The following SLC24A3 variants were observed in gnomAD, a reference collection of about 807,000 sequenced individuals.
The protein encoded by SLC24A3 is sodium/potassium/calcium exchanger 3.
A neutral mutation model predicts 75.8 loss-of-function variants in SLC24A3; 28 were observed. That is an observed-to-expected ratio of 0.37 (90% CI 0.27 to 0.51). SLC24A3 has a LOEUF of 0.51. Among genes scored for constraint, SLC24A3 ranks in the 20% least tolerant of loss-of-function variants. The probability of loss-of-function intolerance (pLI) is 0.94; values close to 1 mark genes in which losing one functional copy is unlikely to be tolerated. For synonymous variants in SLC24A3, 372 were observed against 334.1 expected, an observed-to-expected ratio of 1.11 and a Z score of -1.24; for missense variants, 663 against 847.8, an observed-to-expected ratio of 0.78 and a Z score of 2.71.
intron 2 of SLC24A3, among the ~76,000 whole-genome samples, chr20:19,325,325 A>C (rs1984813450): frequency 6.6e-6 from 1 of 151,972 alleles, no homozygotes; most frequent in African/African-American, 2.4e-5. Context: ...GCATCCCTGT[A>C]GTCCCAGCTA....
intron 9 of SLC24A3, among the ~76,000 whole-genome samples, chr20:19,681,143 A>G (rs2032610674): frequency 1.3e-5 from 2 of 152,230 alleles, no homozygotes; most frequent in African/African-American, 4.8e-5. Context: ...CGGAACTTGT[A>G]CAAGCTTCTT....
intron 15 of SLC24A3, among the ~76,000 whole-genome samples, chr20:19,716,999 C>A (rs1436662687): frequency 6.6e-6 from 1 of 152,206 alleles, no homozygotes; most frequent in East Asian, 1.9e-4. Flanking sequence ...TTAACTTTTT[C>A]TTCTGTTTTG....
chr20:19,261,758 G>A (rs553819190), intron 1 of SLC24A3: 3 of 152,362 alleles, frequency 2.0e-5, no homozygotes, highest in Admixed American at 6.5e-5. Flanking sequence ...GTAAGGCCAC[G>A]TAGGTCCGAA....
At chr20:19,269,234 C>CACTGCACAGGGTCCTTTTGG in intron 1 of SLC24A3, among the ~76,000 whole-genome samples, 1 of 152,364 alleles carries the variant, frequency 6.6e-6, no homozygotes, top group Admixed American at 6.5e-5. Flanking sequence ...ACATTCCCAT[C>CACTGCACAGGGTCCTTTTGG]ACTGCACAGG....
At chr20:19,339,958 A>C (rs186640972) in intron 2 of SLC24A3, among the ~76,000 whole-genome samples, 2 of 152,140 alleles carry the variant, frequency 1.3e-5, no homozygotes, top group African/African-American at 2.4e-5. Context: ...TAACATTCTA[A>C]CCAGGACCCT....
chr20:19,334,431 TA>T (rs11481938), intron 2 of SLC24A3, among the ~76,000 whole-genome samples: 145 of 151,252 alleles, frequency 9.6e-4, no homozygotes, highest in African/African-American at 3.3e-3. Flanking sequence ...ATCAACACAG[TA>T]AAAAAAAAGA....
chr20:19,680,405 C>T (rs554883048), intron 9 of SLC24A3, among the ~76,000 whole-genome samples: 43 of 151,750 alleles, frequency 2.8e-4, no homozygotes, highest in African/African-American at 9.7e-4. Flanking sequence ...CCAGGAGGCA[C>T]GGTGAGGTCT....
In SLC24A3 at chr20:19,663,540, C is replaced by G. The variant is rs1003046834; in HGVS notation, c.688-2324C>G. Among the ~76,000 whole-genome samples, 10 of 102,820 alleles carry G rather than the reference C, an allele frequency of 9.7e-5. No individual in the cohort carries two copies. The East Asian group carries it at 2.9e-3, about 30-fold the overall frequency. The allele number at this position is 102,820 out of a possible 152,430, so 67.5% of individuals were successfully genotyped here. ...TTCTGAGTGATGGGGCATCTTCACACAAGGCAGAGATCAAAGGGGAAACTA... is the reference window on the plus strand; with the variant it reads ...TTCTGAGTGATGGGGCATCTTCACAGAAGGCAGAGATCAAAGGGGAAACTA... On this transcript the variant is annotated intron_variant, in intron 7 of 16. Transcript: ENST00000328041.
intron 3 of SLC24A3, among the ~76,000 whole-genome samples, chr20:19,544,384 C>T (rs2030552874): frequency 6.6e-6 from 1 of 152,146 alleles, no homozygotes; most frequent in Admixed American, 6.5e-5. Context: ...TGCCTTAGTT[C>T]TGAGACATTC....
At chr20:19,654,265 A>T (rs1207422225) in intron 7 of SLC24A3, 129 bp downstream of exon 7, 1 of 775,042 alleles carries the variant, frequency 1.3e-6, no homozygotes, top group Non-Finnish European at 2.2e-6. Flanking sequence ...CTTTGCTTGG[A>T]GGCAGATTTA....
chr20:19,565,930 G>A (rs2122616017), intron 3 of SLC24A3, among the ~76,000 whole-genome samples: 1 of 152,298 alleles, frequency 6.6e-6, no homozygotes, highest in Non-Finnish European at 1.5e-5. Flanking sequence ...CTGTGAATCA[G>A]AGATTCAGCA....
intron 3 of SLC24A3, among the ~76,000 whole-genome samples, chr20:19,525,666 C>T (rs934586926): frequency 2.0e-5 from 3 of 152,098 alleles, no homozygotes; most frequent in African/African-American, 4.8e-5. Flanking sequence ...CACAAATGGA[C>T]GTCATGGGGT....
chr20:19,717,385 C>T, intron 15 of SLC24A3, 143 bp from the exon 16 acceptor site: 1 of 739,564 alleles, frequency 1.4e-6, no homozygotes. Flanking sequence ...GAGCTGGCTG[C>T]TGAAGCTGTT....
chr20:19,566,949 C>T (rs115569873), intron 3 of SLC24A3, among the ~76,000 whole-genome samples: 2,046 of 152,228 alleles, frequency 0.013, 43 homozygotes, highest in African/African-American at 0.046. Flanking sequence ...AAATTCAAAC[C>T]ACAAGTAGAT....
At chr20:19,453,964 G>A (rs868657656) in intron 2 of SLC24A3, among the ~76,000 whole-genome samples, 3 of 152,200 alleles carry the variant, frequency 2.0e-5, no homozygotes, top group Non-Finnish European at 2.9e-5. Context: ...GCTAAACAGC[G>A]CCAACACTGC....
At chr20:19,550,781 T>C (rs540663037) in intron 3 of SLC24A3, among the ~76,000 whole-genome samples, 1 of 152,036 alleles carries the variant, frequency 6.6e-6, no homozygotes, top group Admixed American at 6.6e-5. Context: ...GGAACCATAT[T>C]GAAGAAATGT....
intron 2 of SLC24A3, among the ~76,000 whole-genome samples, chr20:19,510,143 G>C (rs908878025): frequency 6.6e-6 from 1 of 152,194 alleles, no homozygotes; most frequent in Non-Finnish European, 1.5e-5. Context: ...TCTAAGATAG[G>C]ATTCTTCCTG....
intron 3 of SLC24A3, among the ~76,000 whole-genome samples, chr20:19,571,354 G>A (rs2031049002): frequency 1.3e-5 from 2 of 152,132 alleles, no homozygotes. Context: ...GATCACCTGA[G>A]AAACTGACAA....
At chr20:19,681,042 G>A (rs1481928878) in intron 9 of SLC24A3, among the ~76,000 whole-genome samples, 3 of 152,176 alleles carry the variant, frequency 2.0e-5, no homozygotes, top group African/African-American at 2.4e-5. Flanking sequence ...GTGCCTGGCT[G>A]TCTTTGCCCG....
Sources: gnomAD v4.1 joint callset for allele counts (sites outside exome capture counted in the v4.1 genomes callset) on GRCh38, gnomAD v4.1.1 for gene constraint, MANE v1.5 for transcripts, NCBI Gene and HGNC (gene_info 2026-07-23, HGNC 2026-07-21) for gene names.